The following NUP160 variants were observed in gnomAD, a reference collection of about 807,000 sequenced individuals.
NUP160 encodes the protein nucleoporin 160.
A neutral mutation model predicts 196.9 loss-of-function variants in NUP160; 94 were observed. The observed-to-expected ratio is 0.48, with a 90% CI of 0.40 to 0.57. NUP160 has a LOEUF of 0.57. Among genes scored for constraint, NUP160 ranks in the 20% least tolerant of loss-of-function variants. NUP160 has a pLI of 0.00. For missense variants in NUP160, 1,638 were observed against 1,748.3 expected (o/e 0.94, Z 1.13); for synonymous variants, 605 against 619.7 (o/e 0.98, Z 0.35).
chr11:47,837,953 T>A (rs1225350920), intron 4 of NUP160, among the ~76,000 whole-genome samples: 1 of 152,202 alleles, frequency 6.6e-6, no homozygotes. Flanking sequence ...TAGATGGTAG[T>A]GACATAGCAG....
At chr11:47,833,081 G>A (rs894733591) in intron 7 of NUP160, among the ~76,000 whole-genome samples, 4 of 152,170 alleles carry the variant, frequency 2.6e-5, no homozygotes, top group African/African-American at 7.2e-5. Flanking sequence ...ATGGTTGCTC[G>A]TATCTGTGGA....
intron 2 of NUP160, among the ~76,000 whole-genome samples, chr11:47,845,561 A>G (rs2135407283): frequency 6.6e-6 from 1 of 152,238 alleles, no homozygotes; most frequent in East Asian, 1.9e-4. Context: ...TCCTGTAACA[A>G]AACTGCATGT....
At chr11:47,799,085 C>A (rs1026733247) in intron 23 of NUP160, among the ~76,000 whole-genome samples, 23 of 151,820 alleles carry the variant, frequency 1.5e-4, no homozygotes, top group African/African-American at 5.6e-4. Flanking sequence ...TACTAAATGA[C>A]TGACATAATC....
intron 5 of NUP160, 40 bp downstream of exon 5, chr11:47,837,505 A>T (rs937547381): frequency 2.7e-6 from 4 of 1,475,526 alleles, no homozygotes; most frequent in Non-Finnish European, 3.8e-6. Context: ...AAAAGATTAA[A>T]TTCTTGGGCC....
intron 35 of NUP160, 111 bp downstream of exon 35, chr11:47,780,232 A>C (rs2097659874): frequency 7.9e-6 from 6 of 761,284 alleles, no homozygotes; most frequent in Non-Finnish European, 1.4e-5. Context: ...AAGGGCCAAA[A>C]ATAGGCTTTT....
intron 7 of NUP160, among the ~76,000 whole-genome samples, chr11:47,829,432 A>G (rs1728627164): frequency 6.6e-6 from 1 of 152,124 alleles, no homozygotes; most frequent in Non-Finnish European, 1.5e-5. Context: ...CAGCCTCACA[A>G]GTAACTGGGA....
At chr11:47,821,646 C>G in intron 9 of NUP160, 78 bp downstream of exon 9, 1 of 1,053,050 alleles carries the variant, frequency 9.5e-7, no homozygotes. Context: ...AGGCATGAGA[C>G]ACGGCGCCCG....
intron 14 of NUP160, 38 bp downstream of exon 14, chr11:47,813,278 G>C: frequency 7.2e-7 from 1 of 1,395,492 alleles, no homozygotes; most frequent in East Asian, 2.3e-5. Context: ...GGTTTATATA[G>C]GAAGGGGATT....
At chr11:47,787,350 C>T (rs760145317) in intron 31 of NUP160, among the ~76,000 whole-genome samples, 17 of 151,480 alleles carry the variant, frequency 1.1e-4, no homozygotes, top group Admixed American at 4.6e-4. Flanking sequence ...GGCCTCCCAA[C>T]GTGATGGCAT....
At chr11:47,848,129 A>T in intron 1 of NUP160, 90 bp downstream of exon 1, 1 of 1,454,074 alleles carries the variant, frequency 6.9e-7, no homozygotes, top group Non-Finnish European at 9.7e-7. Flanking sequence ...TGGACTCAGG[A>T]GGATGAAACA....
intron 31 of NUP160, 36 bp from the exon 32 acceptor site, chr11:47,786,590 C>T (rs772281390): frequency 7.1e-6 from 9 of 1,270,512 alleles, no homozygotes; most frequent in Admixed American, 1.7e-5. Context: ...GAAAACTGAA[C>T]GCTGAAACGT....
chr11:47,842,490 T>G (rs1852325539), intron 2 of NUP160, among the ~76,000 whole-genome samples: 1 of 152,074 alleles, frequency 6.6e-6, no homozygotes, highest in Non-Finnish European at 1.5e-5. Context: ...CCATGCCCTT[T>G]GGGGTGGGGC....
At chr11:47,785,101 C>CATTTTTTTTTTTT in intron 32 of NUP160, 38 bp from the exon 33 acceptor site, 1 of 1,107,986 alleles carries the variant, frequency 9.0e-7, no homozygotes, top group Non-Finnish European at 1.3e-6. Context: ...GTTTCAGATT[C>CATTTTTTTTTTTT]TTAATAGCTA....
In NUP160 at chr11:47,822,198, A is replaced by C. The variant is rs761239994; in HGVS notation, c.1102-34T>G. On this transcript the variant is annotated intron_variant, in intron 7 of 35. Coordinates refer to ENST00000378460, the Ensembl canonical transcript of NUP160. ...ACACAAGATGATCATTTATTACCTG[A>C]AATAATCAACATGTTACTTTTCGAA... The C allele has an allele frequency of 2.2e-6, 3 of 1,391,606 alleles. No homozygotes were observed. In the Admixed American group the frequency reaches 5.4e-5, roughly 25 times the overall value. 86.2% of individuals were successfully genotyped at this position (1,391,606 alleles called of 1,614,324 possible). A position where few individuals can be genotyped will look rare whatever the true frequency, so the allele number is the denominator to read the frequency against.
intron 5 of NUP160, among the ~76,000 whole-genome samples, 193 bp from the exon 6 acceptor site, chr11:47,837,194 T>C (rs79896215): frequency 0.031 from 4,783 of 152,304 alleles, 260 homozygotes; most frequent in African/African-American, 0.11. Flanking sequence ...TTTAAAAGGC[T>C]CTACATAACA....
chr11:47,835,817 A>G lies in NUP160; in HGVS notation c.943-8T>C, dbSNP rs901836991. On this transcript the variant is annotated splice_region_variant and splice_polypyrimidine_tract_variant and intron_variant, in intron 6 of 35. Transcript: ENST00000378460. ...CATTAGGCACATTTGCTCCTGTCCA[A>G]GAAAATAGTTAATAGGTGATATTCA... 4 of 1,566,898 alleles carry G rather than the reference A, an allele frequency of 2.6e-6. No individual in the cohort carries two copies. The highest frequency in any genetic ancestry group is 2.3e-5 in the East Asian group (1 of 43,290).
At position 47,819,397 on chromosome 11, in the gene NUP160, T is replaced by C. The variant is rs772743697; in HGVS notation, c.1339A>G (p.Ile447Val). ...ACTCTGGGGTCTTGATCATCTCTGA[T>C]GACAATCTCTTCCTCTGGCAGAGGC... The change falls in exon 10 of 36, where the codon ATC (isoleucine) becomes GTC (valine). Residue 447 changes from isoleucine (I) to valine (V), a missense_variant. Physicochemically the swap from Ile to Val is conservative, Grantham distance 29. Coordinates refer to ENST00000378460, the Ensembl canonical transcript of NUP160. The C allele has an allele frequency of 1.3e-5, 21 of 1,612,504 alleles. No homozygotes were observed. The highest frequency in any genetic ancestry group is 3.3e-5 in the Admixed American group (2 of 59,986).
chr11:47,837,938 A>C (rs1274076805), intron 4 of NUP160, among the ~76,000 whole-genome samples: 1 of 152,254 alleles, frequency 6.6e-6, no homozygotes, highest in African/African-American at 2.4e-5. Flanking sequence ...TGCCAGGCAC[A>C]GTTCTAGATG....
At chr11:47,784,998 A>G in exon 33 of NUP160, 1 of 1,603,668 alleles carries the variant, frequency 6.2e-7, no homozygotes, top group Non-Finnish European at 8.5e-7. Context: ...GTGGTGATAC[A>G]AGTTATTCTG....
Sources: allele counts gnomAD v4.1 joint callset (sites outside exome capture counted in the v4.1 genomes callset), GRCh38; gene constraint gnomAD v4.1.1; transcripts MANE v1.5; gene names NCBI Gene and HGNC (gene_info 2026-07-23, HGNC 2026-07-21).